Variants in ROBO1 observed in about 807,000 individuals in gnomAD.
The protein encoded by ROBO1 is roundabout homolog 1.
In ROBO1, 149 loss-of-function variants were observed where a neutral mutation model predicts 195.9. That is an observed-to-expected ratio of 0.76 (90% CI 0.67 to 0.87). The LOEUF is 0.87. Ranked by LOEUF, ROBO1 falls within the 40% of genes least tolerant of loss-of-function variation. ROBO1 has a pLI of 0.00. For synonymous variants in ROBO1, 816 were observed against 733.2 expected, an observed-to-expected ratio of 1.11 and a Z score of -1.82; for missense variants, 1,933 against 2,068.3, an observed-to-expected ratio of 0.93 and a Z score of 1.27.
chr3:78,859,823 A>G (rs373210390), intron 4 of ROBO1, among the ~76,000 whole-genome samples: 71 of 152,270 alleles, frequency 4.7e-4, no homozygotes, highest in Middle Eastern at 3.4e-3. Flanking sequence ...GCTCGCGCCT[A>G]TAATCCCAGC....
intron 1 of ROBO1, among the ~76,000 whole-genome samples, chr3:79,719,494 A>T (rs1251426869): frequency 1.3e-5 from 2 of 152,180 alleles, no homozygotes; most frequent in Non-Finnish European, 2.9e-5. Context: ...AAACTTCTAC[A>T]TAACATGTAA....
At chr3:79,088,049 T>C (rs1157540927) in intron 3 of ROBO1, among the ~76,000 whole-genome samples, 1 of 152,116 alleles carries the variant, frequency 6.6e-6, no homozygotes, top group African/African-American at 2.4e-5. Flanking sequence ...TGGTGAACAA[T>C]AGCATCACAA....
At chr3:78,961,945 T>A (rs1249440216) in intron 3 of ROBO1, among the ~76,000 whole-genome samples, 2 of 151,940 alleles carry the variant, frequency 1.3e-5, no homozygotes, top group Non-Finnish European at 2.9e-5. Context: ...TTTTTTGTTT[T>A]TTTTTTTTAC....
intron 3 of ROBO1, among the ~76,000 whole-genome samples, chr3:79,080,212 C>A (rs765434452): frequency 5.7e-4 from 87 of 151,668 alleles, no homozygotes; most frequent in African/African-American, 2.1e-3. Context: ...GAAAAATTTC[C>A]AAAACCTCCT....
intron 8 of ROBO1, among the ~76,000 whole-genome samples, chr3:78,700,470 A>G (rs1380322213): frequency 6.6e-6 from 1 of 152,218 alleles, no homozygotes; most frequent in Non-Finnish European, 1.5e-5. Flanking sequence ...ACGTTATTCA[A>G]CTGGTAGTTA....
chr3:79,500,864 A>G (rs181772160), intron 2 of ROBO1, among the ~76,000 whole-genome samples: 8 of 152,290 alleles, frequency 5.3e-5, no homozygotes, highest in Admixed American at 2.0e-4. Context: ...CAACACAATA[A>G]AGGTGTGATG....
At chr3:79,027,672 C>T (rs778258091) in intron 3 of ROBO1, among the ~76,000 whole-genome samples, 1 of 152,058 alleles carries the variant, frequency 6.6e-6, no homozygotes, top group Admixed American at 6.5e-5. Context: ...AATCACTCCT[C>T]TCTGACATCC....
chr3:79,644,482 A>T (rs36022026), intron 1 of ROBO1, among the ~76,000 whole-genome samples: 1 of 152,172 alleles, frequency 6.6e-6, no homozygotes, highest in Non-Finnish European at 1.5e-5. Context: ...AAAAGCAGCA[A>T]GTCAGGACTT....
intron 4 of ROBO1, among the ~76,000 whole-genome samples, chr3:78,816,274 T>G (rs76544258): frequency 0.035 from 5,295 of 152,236 alleles, 127 homozygotes; most frequent in South Asian, 0.048. Flanking sequence ...TATAGAATGG[T>G]TTACTATTAT....
intron 2 of ROBO1, among the ~76,000 whole-genome samples, chr3:79,457,523 T>G (rs1250705099): frequency 6.6e-6 from 1 of 151,736 alleles, no homozygotes. Flanking sequence ...CTTCACAGAG[T>G]GGAGGGTAAT....
At chr3:79,297,075 G>A (rs1313873055) in intron 2 of ROBO1, among the ~76,000 whole-genome samples, 3 of 152,156 alleles carry the variant, frequency 2.0e-5, no homozygotes, top group South Asian at 2.1e-4. Context: ...TTTTGATTAC[G>A]TTATTTTCAA....
chr3:79,571,459 G>C (rs114347276), intron 2 of ROBO1, among the ~76,000 whole-genome samples: 195 of 152,020 alleles, frequency 1.3e-3, no homozygotes, highest in African/African-American at 4.5e-3. Flanking sequence ...AAACTCAAAG[G>C]GGGGAAAAAG....
At chr3:78,803,958 G>T (rs2084449336) in intron 4 of ROBO1, among the ~76,000 whole-genome samples, 1 of 152,106 alleles carries the variant, frequency 6.6e-6, no homozygotes, top group South Asian at 2.1e-4. Flanking sequence ...ATACTTAAAA[G>T]ATTTCTCCTC....
chr3:78,913,410 A>G (rs2107548422), intron 4 of ROBO1, among the ~76,000 whole-genome samples: 1 of 152,206 alleles, frequency 6.6e-6, no homozygotes, highest in African/African-American at 2.4e-5. Context: ...CTTAGTTTTC[A>G]ATTTTTAAAA....
rs769228994 is a variant in ROBO1 at position 78,819,118 on chromosome 3, G to C, written c.500-72218C>G. ...CAGGGGACTACAGTGTTTGGTTTTT[G>C]TTGTTCTGGTAAGGCATTGTAATAT... is the stretch of plus-strand genomic sequence containing the variant. On this transcript the variant is annotated intron_variant, in intron 4 of 30. Coordinates refer to ENST00000464233, the MANE Select transcript of ROBO1 (RefSeq NM_002941.4). 6.4e-4 allele frequency among the ~76,000 whole-genome samples: 97 copies of C among 152,204 alleles called. No homozygotes were observed. In the Middle Eastern group the frequency reaches 0.014, roughly 21 times the overall value.
chr3:78,797,690 T>C (rs530464918), intron 4 of ROBO1, among the ~76,000 whole-genome samples: 133 of 152,308 alleles, frequency 8.7e-4, no homozygotes, highest in African/African-American at 3.1e-3. Flanking sequence ...AGTAATTAAG[T>C]AATTTTTGGT....
chr3:79,424,653 T>G (rs1353362875), intron 2 of ROBO1, among the ~76,000 whole-genome samples: 1 of 151,974 alleles, frequency 6.6e-6, no homozygotes, highest in Non-Finnish European at 1.5e-5. Flanking sequence ...GGACAAAACA[T>G]CCCAAATATG....
chr3:79,428,776 A>T (rs2038555967), intron 2 of ROBO1, among the ~76,000 whole-genome samples: 1 of 152,172 alleles, frequency 6.6e-6, no homozygotes, highest in South Asian at 2.1e-4. Flanking sequence ...ATACAGTGGA[A>T]TATTAAAAAA....
chr3:78,828,893 A>G (rs576508061), intron 4 of ROBO1, among the ~76,000 whole-genome samples: 14 of 152,318 alleles, frequency 9.2e-5, no homozygotes, highest in African/African-American at 2.9e-4. Context: ...AAATCGTGCA[A>G]CCTGGCAGTT....
Sources: gnomAD v4.1 joint callset for allele counts (sites outside exome capture counted in the v4.1 genomes callset) on GRCh38, gnomAD v4.1.1 for gene constraint, MANE v1.5 for transcripts, NCBI Gene and HGNC (gene_info 2026-07-23, HGNC 2026-07-21) for gene names.